The following KCNH7 variants were observed in gnomAD, a reference collection of about 807,000 sequenced individuals.
KCNH7 encodes potassium voltage-gated channel subfamily H member 7, also known as voltage-gated inwardly rectifying potassium channel KCNH7.
In KCNH7, 49 loss-of-function variants were observed where a neutral mutation model predicts 120.8. The ratio of observed to expected loss-of-function variants is 0.41; its 90% CI spans 0.32 to 0.51. KCNH7 has a LOEUF of 0.51. KCNH7 is among the 20% of genes least tolerant of loss of function. The pLI, the probability that KCNH7 is intolerant of heterozygous loss-of-function variation, is 0.38. For missense variants in KCNH7, 1,097 were observed against 1,446.6 expected (o/e 0.76, Z 3.92); for synonymous variants, 547 against 516.1 (o/e 1.06, Z -0.81).
chr2:162,471,557 A>T (rs1412628037), intron 6 of KCNH7, among the ~76,000 whole-genome samples: 1 of 152,138 alleles, frequency 6.6e-6, no homozygotes, highest in Non-Finnish European at 1.5e-5. Flanking sequence ...CTTCAAGGAG[A>T]AATACAAACC....
chr2:162,818,087 C>T (rs1312392159), intron 2 of KCNH7, among the ~76,000 whole-genome samples: 1 of 151,776 alleles, frequency 6.6e-6, no homozygotes, highest in Non-Finnish European at 1.5e-5. Context: ...TAATGGAATG[C>T]TTTGCAGTGT....
At chr2:162,564,391 T>C (rs1366985210) in intron 2 of KCNH7, among the ~76,000 whole-genome samples, 1 of 152,188 alleles carries the variant, frequency 6.6e-6, no homozygotes, top group African/African-American at 2.4e-5. Flanking sequence ...TGAAAGGGAA[T>C]GTTACATTTG....
chr2:162,615,754 A>AT (rs946547200), intron 2 of KCNH7, among the ~76,000 whole-genome samples: 14 of 151,714 alleles, frequency 9.2e-5, no homozygotes, highest in East Asian at 7.7e-4. Flanking sequence ...GTTTCACTCT[A>AT]TTTTTTTTAA....
At chr2:162,549,511 C>G (rs1278034916) in intron 2 of KCNH7, among the ~76,000 whole-genome samples, 1 of 152,160 alleles carries the variant, frequency 6.6e-6, no homozygotes, top group Admixed American at 6.5e-5. Context: ...AGTCCTATAT[C>G]AGAAAAGTTT....
chr2:162,384,737 C>G lies in KCNH7; in HGVS notation c.2913G>C (p.Val971=), dbSNP rs141527251. The G allele has an allele frequency of 3.2e-4, 514 of 1,612,700 alleles. 2 individuals are homozygous for G. The African/African-American group carries it at 6.2e-3, about 19-fold the overall frequency. The change falls in exon 13 of 16, where the codon GTG becomes GTC. Residue 971 remains valine, a synonymous_variant. Coordinates refer to ENST00000332142, the MANE Select transcript of KCNH7 (RefSeq NM_033272.4). ...CTATGTGCATTCTTCCTGAGGTGGGCACTGTTTCTTCAAAATCGAGCCCAG... is the reference window on the plus strand; with the variant it reads ...CTATGTGCATTCTTCCTGAGGTGGGGACTGTTTCTTCAAAATCGAGCCCAG... The part of the protein sequence containing the change: ...KASGLDFEET[V]PTSGRMHIDK...
intron 2 of KCNH7, among the ~76,000 whole-genome samples, chr2:162,783,008 G>T (rs577488409): frequency 2.0e-5 from 3 of 152,152 alleles, no homozygotes; most frequent in Non-Finnish European, 4.4e-5. Flanking sequence ...GAGACACCTG[G>T]TGGGTCCTAG....
At chr2:162,587,868 C>T (rs1236528600) in intron 2 of KCNH7, among the ~76,000 whole-genome samples, 1 of 152,056 alleles carries the variant, frequency 6.6e-6, no homozygotes, top group Non-Finnish European at 1.5e-5. Flanking sequence ...TTCTCACACC[C>T]TAAGAACACA....
chr2:162,581,910 T>C (rs1693880233), intron 2 of KCNH7, among the ~76,000 whole-genome samples: 1 of 152,086 alleles, frequency 6.6e-6, no homozygotes, highest in South Asian at 2.1e-4. Flanking sequence ...AGTGATGAGA[T>C]ACTCATGTTA....
At chr2:162,610,523 A>G (rs1292241359) in intron 2 of KCNH7, among the ~76,000 whole-genome samples, 1 of 152,242 alleles carries the variant, frequency 6.6e-6, no homozygotes, top group African/African-American at 2.4e-5. Context: ...GAAGACAAAG[A>G]TTCTGTAATT....
chr2:162,647,412 C>T (rs1684402973), intron 2 of KCNH7, among the ~76,000 whole-genome samples: 1 of 152,166 alleles, frequency 6.6e-6, no homozygotes. Flanking sequence ...CTATGGGGGT[C>T]ATCCCTAAAT....
intron 6 of KCNH7, among the ~76,000 whole-genome samples, chr2:162,463,483 T>G (rs1188660722): frequency 1.3e-5 from 2 of 151,940 alleles, no homozygotes; most frequent in Admixed American, 6.6e-5. Flanking sequence ...TACTAGATTC[T>G]AAACTCCCTG....
intron 9 of KCNH7, among the ~76,000 whole-genome samples, chr2:162,413,355 G>A (rs892811823): frequency 1.3e-5 from 2 of 152,058 alleles, no homozygotes; most frequent in South Asian, 4.1e-4. Flanking sequence ...TCGAACTCCT[G>A]ACCTCAGGTG....
At chr2:162,601,081 T>A (rs1027510057) in intron 2 of KCNH7, among the ~76,000 whole-genome samples, 1 of 152,124 alleles carries the variant, frequency 6.6e-6, no homozygotes, top group Non-Finnish European at 1.5e-5. Context: ...TAACTCATAT[T>A]GTTCATATCA....
chr2:162,394,355 T>A (rs1273592979), intron 12 of KCNH7, 34 bp downstream of exon 12: 2 of 1,173,446 alleles, frequency 1.7e-6, no homozygotes, highest in Admixed American at 3.4e-5. Flanking sequence ...TACCACATGC[T>A]CTACATTTAA....
chr2:162,754,589 G>GA (rs1688722068), intron 2 of KCNH7, among the ~76,000 whole-genome samples: 5 of 152,106 alleles, frequency 3.3e-5, no homozygotes, highest in South Asian at 2.1e-4. Context: ...TAAATTACAG[G>GA]AAAAAAATGC....
chr2:162,545,920 T>C (rs531814273), intron 2 of KCNH7, among the ~76,000 whole-genome samples: 70 of 152,346 alleles, frequency 4.6e-4, no homozygotes, highest in African/African-American at 1.6e-3. Context: ...CCACCCATTT[T>C]CATTGACACA....
intron 2 of KCNH7, among the ~76,000 whole-genome samples, chr2:162,554,047 A>C (rs1256998291): frequency 3.3e-5 from 5 of 152,190 alleles, no homozygotes; most frequent in Non-Finnish European, 7.4e-5. Flanking sequence ...TTAGTTGCTC[A>C]TGCAACAGTA....
intron 6 of KCNH7, among the ~76,000 whole-genome samples, chr2:162,499,087 C>T (rs1690591936): frequency 6.6e-6 from 1 of 151,940 alleles, no homozygotes. Flanking sequence ...CATACTTATC[C>T]AGGGAGAGTG....
chr2:162,735,986 G>A (rs1227008303), intron 2 of KCNH7, among the ~76,000 whole-genome samples: 1 of 152,172 alleles, frequency 6.6e-6, no homozygotes, highest in Non-Finnish European at 1.5e-5. Flanking sequence ...ATGGGCCAAT[G>A]ACTTGACCAT....
Sources: allele counts gnomAD v4.1 joint callset (sites outside exome capture counted in the v4.1 genomes callset), GRCh38; gene constraint gnomAD v4.1.1; transcripts MANE v1.5; gene names NCBI Gene and HGNC (gene_info 2026-07-23, HGNC 2026-07-21).